The following ZNF616 variants were observed in gnomAD, a reference collection of about 807,000 sequenced individuals.
ZNF616 encodes the protein zinc finger protein 616.
In ZNF616, 5 loss-of-function variants were observed where a neutral mutation model predicts 7.6. The ratio of observed to expected loss-of-function variants is 0.66; its 90% CI spans 0.34 to 1.38. ZNF616 has a LOEUF of 1.38. Among genes scored for constraint, ZNF616 ranks in the 40% most tolerant of loss-of-function variants. The pLI is 0.04. For missense variants in ZNF616, 913 were observed against 948.3 expected, an observed-to-expected ratio of 0.96 and a Z score of 0.49; for synonymous variants, 319 against 317.2, an observed-to-expected ratio of 1.01 and a Z score of -0.06.
intron 1 of ZNF616, among the ~76,000 whole-genome samples, chr19:52,136,213 G>A (rs770313858): frequency 7.9e-5 from 12 of 151,682 alleles, no homozygotes; most frequent in Non-Finnish European, 1.3e-4. Flanking sequence ...AGGCACGGTG[G>A]CTCACGCTTG....
At chr19:52,134,599 A>T (rs928696267) in intron 1 of ZNF616, among the ~76,000 whole-genome samples, 1 of 152,234 alleles carries the variant, frequency 6.6e-6, no homozygotes. Context: ...CCAGGTAGAC[A>T]GTGCCAGAAT....
intron 2 of ZNF616, among the ~76,000 whole-genome samples, chr19:52,124,971 A>G (rs2088893458): frequency 6.6e-6 from 1 of 152,208 alleles, no homozygotes; most frequent in Non-Finnish European, 1.5e-5. Flanking sequence ...CTCACTGACC[A>G]GAACACCATA....
chr19:52,132,479 T>C (rs2088968706), intron 1 of ZNF616, among the ~76,000 whole-genome samples: 1 of 152,118 alleles, frequency 6.6e-6, no homozygotes, highest in African/African-American at 2.4e-5. Context: ...CCACCGTTAC[T>C]GGTGGGGCCT....
At chr19:52,119,502 T>C (rs1393546126) in intron 3 of ZNF616, among the ~76,000 whole-genome samples, 2 of 152,112 alleles carry the variant, frequency 1.3e-5, no homozygotes, top group Non-Finnish European at 2.9e-5. Flanking sequence ...ACTTATATGC[T>C]AGTAAGTAGC....
At chr19:52,125,674 C>T (rs2088900031) in intron 2 of ZNF616, among the ~76,000 whole-genome samples, 1 of 152,152 alleles carries the variant, frequency 6.6e-6, no homozygotes, top group African/African-American at 2.4e-5. Context: ...AGGCGTGGTC[C>T]TGCTTCCAGG....
At position 52,113,609 on chromosome 19, in the gene ZNF616, G is replaced by A. The variant is rs1361978300; in HGVS notation, c.*1209C>T. On this transcript the variant is annotated 3_prime_UTR_variant, in exon 4 of 4. Coordinates refer to ENST00000600228, the MANE Select transcript of ZNF616 (RefSeq NM_178523.5). ...ATTTGTCCTGATGCTCCACTTCCCT[G>A]CCCTTCCCACCCCCATCAGCAGGCC... 6.6e-6 allele frequency: 1 copy of A among 152,080 alleles called. No homozygotes were observed. Among genetic ancestry groups the A allele is most frequent in the Non-Finnish European group, 1.5e-5 (1 of 68,030 alleles). 9.4% of individuals were successfully genotyped at this position (152,080 alleles called of 1,614,324 possible). A position where few individuals can be genotyped will look rare whatever the true frequency, so the allele number is the denominator to read the frequency against.
chr19:52,127,999 G>A (rs1972932250), intron 2 of ZNF616, among the ~76,000 whole-genome samples: 1 of 152,066 alleles, frequency 6.6e-6, no homozygotes, highest in African/African-American at 2.4e-5. Context: ...GAAACATGAG[G>A]GATGATGGAG....
At chr19:52,135,809 G>A (rs1024575903) in intron 1 of ZNF616, among the ~76,000 whole-genome samples, 1 of 152,168 alleles carries the variant, frequency 6.6e-6, no homozygotes, top group East Asian at 1.9e-4. Flanking sequence ...TGTTCCTTAA[G>A]TCAGGAAGGG....
intron 3 of ZNF616, among the ~76,000 whole-genome samples, chr19:52,122,958 A>G (rs2088875934): frequency 6.6e-6 from 1 of 152,178 alleles, no homozygotes; most frequent in African/African-American, 2.4e-5. Context: ...AATAGTAGGA[A>G]TTAAGTCAGG....
intron 2 of ZNF616, among the ~76,000 whole-genome samples, chr19:52,128,346 A>G (rs973814371): frequency 6.6e-6 from 1 of 152,162 alleles, no homozygotes; most frequent in Non-Finnish European, 1.5e-5. Flanking sequence ...TTCTTTGCTC[A>G]GTTTTCCTTT....
chr19:52,131,295 C>T (rs1353045774), intron 1 of ZNF616, among the ~76,000 whole-genome samples: 1 of 136,390 alleles, frequency 7.3e-6, no homozygotes, highest in Non-Finnish European at 1.5e-5. Flanking sequence ...AAAAAATCAA[C>T]TTGGGTACCT....
At chr19:52,137,614 G>A (rs1209166443) in intron 1 of ZNF616, among the ~76,000 whole-genome samples, 1 of 152,150 alleles carries the variant, frequency 6.6e-6, no homozygotes, top group Non-Finnish European at 1.5e-5. Flanking sequence ...ACCACAGGAT[G>A]CTGGGTGGGG....
rs112125250 is a variant in ZNF616, at chr19:52,132,473, C to T, written c.-76-1885G>A. 5.3e-3 allele frequency among the ~76,000 whole-genome samples: 811 copies of T among 152,148 alleles called. 6 individuals carry two copies. The highest frequency in any genetic ancestry group is 0.017 in the African/African-American group (709 of 41,522). On this transcript the variant is annotated intron_variant, in intron 1 of 3. Transcript: ENST00000600228. ...TCTCACACTGAATTGTAATCCCCAC[C>T]GTTACTGGTGGGGCCTGGTGGGAGG...
rs1252345556 is a variant in ZNF616, at chr19:52,116,475, A to G, written c.689T>C (p.Val230Ala). ...CCCTCTTGTATGGACTACCTTGTGTACAGTTAGTAGTGAGGCCCGATGAAA... is the reference window on the plus strand; with the variant it reads ...CCCTCTTGTATGGACTACCTTGTGTGCAGTTAGTAGTGAGGCCCGATGAAA... ...KAFHRASLLT[V>A]HKVVHTRGKS... is the part of the protein sequence containing the mutation. Residue 230 changes from valine (V) to alanine (A), a missense_variant, in exon 4 of 4, where the codon GTA becomes GCA. By Grantham distance (64) the Val-to-Ala change is moderately conservative. Transcript: ENST00000600228. The G allele has an allele frequency of 6.2e-7, 1 of 1,613,994 alleles. No individual in the cohort carries two copies. The highest frequency in any genetic ancestry group is 2.2e-5 in the East Asian group (1 of 44,890).
intron 1 of ZNF616, among the ~76,000 whole-genome samples, chr19:52,135,399 G>A (rs1023046293): frequency 6.6e-6 from 1 of 152,260 alleles, no homozygotes. Context: ...ACATACCCCA[G>A]TGAGACCCAA....
chr19:52,114,746 G>A lies in ZNF616; in HGVS notation c.*72C>T. 1 of 1,487,902 alleles carries A rather than the reference G, an allele frequency of 6.7e-7. No individual in the cohort carries two copies. Among genetic ancestry groups the A allele is most frequent in the Non-Finnish European group, 9.0e-7 (1 of 1,113,520 alleles). 92.2% of individuals were successfully genotyped at this position (1,487,902 alleles called of 1,614,324 possible). ...GATTACAATTCCACAGGGATTTCAAGAGAAGGGGTAAATATACAAGGTATA... is the reference window on the plus strand; with the variant it reads ...GATTACAATTCCACAGGGATTTCAAAAGAAGGGGTAAATATACAAGGTATA... On this transcript the variant is annotated 3_prime_UTR_variant, in exon 4 of 4. Coordinates refer to ENST00000600228, the MANE Select transcript of ZNF616 (RefSeq NM_178523.5).
At chr19:52,123,770 G>A (rs750807106) in intron 3 of ZNF616, among the ~76,000 whole-genome samples, 153 bp downstream of exon 3, 23 of 152,252 alleles carry the variant, frequency 1.5e-4, no homozygotes, top group Non-Finnish European at 2.8e-4. Context: ...AAAGGTGACA[G>A]TGAAAGGCCA....
At position 52,121,085 on chromosome 19, in the gene ZNF616, C is replaced by T. The variant is rs897900433; in HGVS notation, c.139+2838G>A. Among the ~76,000 whole-genome samples the T allele has an allele frequency of 2.6e-5, 4 of 152,288 alleles. No individual in the cohort carries two copies. The South Asian group carries it at 6.2e-4, about 24-fold the overall frequency. On this transcript the variant is annotated intron_variant, in intron 3 of 3. Coordinates refer to ENST00000600228, the MANE Select transcript of ZNF616 (RefSeq NM_178523.5). ...CTTCTTTTTTGTTGAGGCTGAGTCT[C>T]GCTCTGTTACCCAAGCTGGAAGGCA...
chr19:52,131,079 C>A (rs1361102208), intron 1 of ZNF616, among the ~76,000 whole-genome samples: 1 of 151,960 alleles, frequency 6.6e-6, no homozygotes. Context: ...ACCAGCCTGG[C>A]CAACATGGTG....
Sources: gnomAD v4.1 joint callset for allele counts (sites outside exome capture counted in the v4.1 genomes callset) on GRCh38, gnomAD v4.1.1 for gene constraint, MANE v1.5 for transcripts, NCBI Gene and HGNC (gene_info 2026-07-23, HGNC 2026-07-21) for gene names.